Variants in WDPCP observed in about 807,000 individuals in gnomAD.
The protein encoded by WDPCP is WD repeat-containing and planar cell polarity effector protein fritz homolog.
WDPCP carries 71 observed loss-of-function variants against 93.1 expected under a neutral mutation model. That is an observed-to-expected ratio of 0.76 (90% CI 0.63 to 0.93). The LOEUF (loss-of-function observed/expected upper bound fraction) is 0.93, where lower values mean the gene tolerates loss of function less well. Ranked by LOEUF, WDPCP falls within the 40% of genes least tolerant of loss-of-function variation. The pLI, the probability that WDPCP is intolerant of heterozygous loss-of-function variation, is 0.00. For missense variants in WDPCP, 844 were observed against 887.4 expected (o/e 0.95, Z 0.62); for synonymous variants, 315 against 315.0 (o/e 1.00, Z 0.00).
Position 63,404,128 on chromosome 2 carries a change from T to C in WDPCP, c.1355A>G (p.Lys452Arg). Residue 452 changes from lysine (K) to arginine (R), a missense_variant, in exon 10 of 18, where the codon AAG becomes AGG. Physicochemically the swap from Lys to Arg is conservative, Grantham distance 26. Coordinates refer to ENST00000272321, the MANE Select transcript of WDPCP (RefSeq NM_015910.7). The part of the protein sequence containing the change: ...QWIAPQVVSQ[K>R]GEGSDIYDLL... ...ATCATAGATATCACTACCTTCACCCTTCTGAGAAACAACCTGAGGAGCTAT... is the reference window on the plus strand; with the variant it reads ...ATCATAGATATCACTACCTTCACCCCTCTGAGAAACAACCTGAGGAGCTAT... The C allele has an allele frequency of 1.2e-6, 2 of 1,614,108 alleles. No homozygotes were observed. The highest frequency in any genetic ancestry group is 1.7e-6 in the Non-Finnish European group (2 of 1,180,006).
intron 6 of WDPCP, among the ~76,000 whole-genome samples, chr2:63,479,739 T>C (rs1196785388): frequency 6.6e-6 from 1 of 152,136 alleles, no homozygotes; most frequent in African/African-American, 2.4e-5. Context: ...GCATTTCCCC[T>C]GAGAAGTGGA....
intron 12 of WDPCP, among the ~76,000 whole-genome samples, chr2:63,333,791 C>T (rs1012019739): frequency 2.0e-5 from 3 of 152,160 alleles, no homozygotes; most frequent in Admixed American, 6.5e-5. Context: ...TCAGGACCTC[C>T]GGAGGGCTGT....
At chr2:63,409,091 G>A (rs1356396564) in intron 9 of WDPCP, among the ~76,000 whole-genome samples, 4 of 152,088 alleles carry the variant, frequency 2.6e-5, no homozygotes, top group South Asian at 2.1e-4. Context: ...GGAGGCCAAC[G>A]ACCACTAAAA....
chr2:63,452,175 T>C (rs752433340), intron 6 of WDPCP, among the ~76,000 whole-genome samples: 1 of 152,216 alleles, frequency 6.6e-6, no homozygotes, highest in East Asian at 1.9e-4. Context: ...GATGACATGA[T>C]TGTATATCTA....
intron 2 of WDPCP, among the ~76,000 whole-genome samples, chr2:63,652,948 G>C (rs1383252103): frequency 6.6e-6 from 1 of 152,108 alleles, no homozygotes. Flanking sequence ...CCTAGATAAC[G>C]AGACAAAAAA....
intron 15 of WDPCP, among the ~76,000 whole-genome samples, chr2:63,161,869 T>G (rs1357693854): frequency 1.3e-5 from 2 of 152,096 alleles, no homozygotes; most frequent in Non-Finnish European, 2.9e-5. Flanking sequence ...GTTCAAGCGA[T>G]TCTCCTGCCT....
At chr2:63,780,151 C>G (rs184451799) in intron 2 of WDPCP, among the ~76,000 whole-genome samples, 110 of 152,236 alleles carry the variant, frequency 7.2e-4, no homozygotes, top group Non-Finnish European at 1.5e-3. Context: ...TAGCTCTGTG[C>G]CCTGCACTCA....
rs186144489 is a variant in WDPCP at position 63,702,124 on chromosome 2, C to T, written n.309-51286G>A. 1.0e-3 allele frequency among the ~76,000 whole-genome samples: 156 copies of T among 152,264 alleles called. 1 individual carries two copies. Among genetic ancestry groups the T allele is most frequent in the Middle Eastern group, 3.4e-3 (1 of 294 alleles). On this transcript the variant is annotated intron_variant and non_coding_transcript_variant, in intron 2 of 4. Coordinates refer to the WDPCP transcript ENST00000467687. Reference sequence around the variant, plus strand: ...CCCTGCAACCTCCGCCTCCTAGGTTCAAGCGATTCTCCTGCCTCAGCCTCC... The same window carrying T: ...CCCTGCAACCTCCGCCTCCTAGGTTTAAGCGATTCTCCTGCCTCAGCCTCC...
chr2:63,222,508 A>C (rs1220963416), intron 14 of WDPCP, among the ~76,000 whole-genome samples: 1 of 152,210 alleles, frequency 6.6e-6, no homozygotes, highest in Non-Finnish European at 1.5e-5. Flanking sequence ...TCTGGTGACA[A>C]CGTAACTCCT....
At chr2:63,472,497 A>T (rs909510638) in intron 6 of WDPCP, among the ~76,000 whole-genome samples, 1 of 151,984 alleles carries the variant, frequency 6.6e-6, no homozygotes, top group African/African-American at 2.4e-5. Context: ...GGATATTTCA[A>T]CTTTATCTTT....
chr2:63,254,289 G>A (rs1384616103), intron 14 of WDPCP, among the ~76,000 whole-genome samples: 1 of 152,078 alleles, frequency 6.6e-6, no homozygotes, highest in Non-Finnish European at 1.5e-5. Flanking sequence ...TACTACCTGG[G>A]TGATGGGGAT....
chr2:63,258,590 A>G (rs1440495626), intron 14 of WDPCP, among the ~76,000 whole-genome samples: 1 of 152,180 alleles, frequency 6.6e-6, no homozygotes, highest in Admixed American at 6.6e-5. Flanking sequence ...TTCCACAGAA[A>G]AATGAATTCT....
At chr2:63,785,442 T>C (rs1670453406) in intron 2 of WDPCP, among the ~76,000 whole-genome samples, 1 of 152,216 alleles carries the variant, frequency 6.6e-6, no homozygotes, top group African/African-American at 2.4e-5. Context: ...GGATACTACA[T>C]TGGCATTTAT....
intron 2 of WDPCP, among the ~76,000 whole-genome samples, chr2:63,778,575 T>A (rs917604026): frequency 6.6e-6 from 1 of 152,220 alleles, no homozygotes; most frequent in Non-Finnish European, 1.5e-5. Context: ...ACCTCTGAGA[T>A]GGCCTCCTAA....
intron 1 of WDPCP, among the ~76,000 whole-genome samples, chr2:63,543,691 G>A (rs1704917231): frequency 6.6e-6 from 1 of 151,828 alleles, no homozygotes. Context: ...GGTTTTTTCA[G>A]TGAATAAAAG....
intron 17 of WDPCP, among the ~76,000 whole-genome samples, chr2:63,145,119 T>C (rs1671392768): frequency 6.6e-6 from 1 of 152,122 alleles, no homozygotes; most frequent in Non-Finnish European, 1.5e-5. Flanking sequence ...CATCTATGGG[T>C]CTCTCATTCA....
At chr2:63,239,657 G>T (rs1679705142) in intron 14 of WDPCP, among the ~76,000 whole-genome samples, 1 of 152,070 alleles carries the variant, frequency 6.6e-6, no homozygotes, top group Admixed American at 6.6e-5. Context: ...TAGCTCTAAA[G>T]TTCGATAATT....
chr2:63,566,205 T>C (rs1707041491), intron 1 of WDPCP, among the ~76,000 whole-genome samples: 1 of 152,244 alleles, frequency 6.6e-6, no homozygotes. Context: ...AAACTCAAGC[T>C]GGAAGCTGCT....
chr2:63,228,478 A>C (rs1428664782), intron 14 of WDPCP: 1 of 150,412 alleles, frequency 6.6e-6, no homozygotes, highest in East Asian at 2.0e-4. Context: ...CATGTGCACA[A>C]CGTGCAGGTT....
Sources: gnomAD v4.1 joint callset for allele counts (sites outside exome capture counted in the v4.1 genomes callset) on GRCh38, gnomAD v4.1.1 for gene constraint, MANE v1.5 for transcripts, NCBI Gene and HGNC (gene_info 2026-07-23, HGNC 2026-07-21) for gene names.